The following SPSB4 variants were observed in gnomAD, a reference collection of about 807,000 sequenced individuals.
The protein encoded by SPSB4 is splA/ryanodine receptor domain and SOCS box containing 4.
A neutral mutation model predicts 20.9 loss-of-function variants in SPSB4; 21 were observed. The ratio of observed to expected loss-of-function variants is 1.01; its 90% CI spans 0.71 to 1.45. SPSB4 has a LOEUF of 1.45. Among genes scored for constraint, SPSB4 ranks in the 40% most tolerant of loss-of-function variants. The pLI is 0.00. For synonymous variants in SPSB4, 207 were observed against 183.8 expected (o/e 1.13, Z -1.02); for missense variants, 399 against 399.2 (o/e 1.00, Z 0.00).
chr3:141,069,457 A>T (rs1160961446), intron 2 of SPSB4, among the ~76,000 whole-genome samples: 1 of 152,144 alleles, frequency 6.6e-6, no homozygotes, highest in African/African-American at 2.4e-5. Context: ...AAGGATTCTG[A>T]GTTAATGTCG....
intron 1 of SPSB4, among the ~76,000 whole-genome samples, chr3:141,059,795 A>C (rs1404731128): frequency 2.6e-5 from 4 of 151,836 alleles, no homozygotes; most frequent in Non-Finnish European, 4.4e-5. Context: ...TTAAAAGAGC[A>C]CTCACCACTT....
chr3:141,104,256 A>G (rs566381953), intron 2 of SPSB4, among the ~76,000 whole-genome samples: 6 of 152,256 alleles, frequency 3.9e-5, no homozygotes, highest in African/African-American at 1.2e-4. Flanking sequence ...AGGGCAGGGG[A>G]AAAGCACTCC....
intron 1 of SPSB4, among the ~76,000 whole-genome samples, chr3:141,060,813 G>A (rs7651635): frequency 0.014 from 2,123 of 152,250 alleles, 48 homozygotes; most frequent in African/African-American, 0.049. Context: ...CCTTTAATAA[G>A]CTGATAGACA....
intron 2 of SPSB4, among the ~76,000 whole-genome samples, chr3:141,067,592 C>T (rs1400859387): frequency 6.6e-6 from 1 of 152,238 alleles, no homozygotes; most frequent in Non-Finnish European, 1.5e-5. Flanking sequence ...GGCTTCCTCT[C>T]ATTTAATATA....
At chr3:141,095,254 A>G (rs72981992) in intron 2 of SPSB4, among the ~76,000 whole-genome samples, 31,997 of 151,940 alleles carry the variant, frequency 0.21, 4,789 homozygotes, top group African/African-American at 0.4. Context: ...GACTGCGGAG[A>G]GCATGTTCAG....
At chr3:141,119,275 G>C (rs1367494193) in intron 2 of SPSB4, among the ~76,000 whole-genome samples, 1 of 152,186 alleles carries the variant, frequency 6.6e-6, no homozygotes, top group East Asian at 1.9e-4. Context: ...GTTCACTCAT[G>C]ATTTGGCTCT....
At chr3:141,118,471 CT>C (rs1297841140) in intron 2 of SPSB4, among the ~76,000 whole-genome samples, 2 of 152,188 alleles carry the variant, frequency 1.3e-5, no homozygotes, top group African/African-American at 4.8e-5. Flanking sequence ...GGTTCTTTTG[CT>C]GTGCAGAAGC....
chr3:141,066,507 A>T lies in SPSB4; in HGVS notation c.403A>T (p.Ser135Cys), dbSNP rs201830688. 4 of 1,502,826 alleles carry T rather than the reference A, an allele frequency of 2.7e-6. No individual in the cohort carries two copies. Among genetic ancestry groups the T allele is most frequent in the Non-Finnish European group, 3.6e-6 (4 of 1,124,830 alleles). 93.1% of individuals were successfully genotyped at this position (1,502,826 alleles called of 1,614,324 possible). The change falls in exon 2 of 3, where the codon AGT becomes TGT. Residue 135 changes from serine (S) to cysteine (C), a missense_variant. Transcript: ENST00000310546. ...CGTGGGCTACACGGCGCTGGTAGGC[A>T]GTGACGCCGAGTCGTGGGGCTGGGA... ...HSVGYTALVG[S>C]DAESWGWDLG...
intron 2 of SPSB4, among the ~76,000 whole-genome samples, chr3:141,126,470 CCT>C (rs1437960334): frequency 2.0e-5 from 3 of 152,170 alleles, no homozygotes; most frequent in Admixed American, 2.0e-4. Flanking sequence ...CGAGTCCAGT[CCT>C]CTGTTTTTCT....
Position 141,066,080 on chromosome 3 carries a change from A to G in SPSB4, c.-25A>G. 6.7e-7 allele frequency: 1 copy of G among 1,490,574 alleles called. No homozygotes were observed. The highest frequency in any genetic ancestry group is 8.9e-7 in the Non-Finnish European group (1 of 1,128,068). The allele number at this position is 1,490,574 out of a possible 1,614,324, so 92.3% of individuals were successfully genotyped here. On this transcript the variant is annotated 5_prime_UTR_variant, in exon 2 of 3. Coordinates refer to ENST00000310546, the MANE Select transcript of SPSB4 (RefSeq NM_080862.3). ...CTCCCACGAGGTAGCGGTGGCCTGCAGCGGCCTCCTCCCCGCAGTGAAGCA... is the reference window on the plus strand; with the variant it reads ...CTCCCACGAGGTAGCGGTGGCCTGCGGCGGCCTCCTCCCCGCAGTGAAGCA...
chr3:141,129,602 T>A (rs566976817), intron 2 of SPSB4, among the ~76,000 whole-genome samples: 1 of 152,204 alleles, frequency 6.6e-6, no homozygotes, highest in East Asian at 1.9e-4. Flanking sequence ...CATGCACACA[T>A]GAGCGAATCT....
At chr3:141,065,502 C>T (rs1472748436) in intron 1 of SPSB4, among the ~76,000 whole-genome samples, 1 of 152,230 alleles carries the variant, frequency 6.6e-6, no homozygotes, top group Admixed American at 6.5e-5. Flanking sequence ...CACCTGGGTT[C>T]TCATCCAGGC....
At chr3:141,099,408 C>T (rs1938586144) in intron 2 of SPSB4, among the ~76,000 whole-genome samples, 1 of 152,058 alleles carries the variant, frequency 6.6e-6, no homozygotes, top group African/African-American at 2.4e-5. Context: ...TTTGTTATAC[C>T]ATAATCCAAT....
At chr3:141,135,864 G>C (rs1345406930) in intron 2 of SPSB4, among the ~76,000 whole-genome samples, 1 of 152,120 alleles carries the variant, frequency 6.6e-6, no homozygotes, top group Non-Finnish European at 1.5e-5. Flanking sequence ...ACCCAGTAAT[G>C]GGATGGCTGG....
intron 2 of SPSB4, among the ~76,000 whole-genome samples, chr3:141,082,422 GGGTGGGTTCATTGCTTA>G (rs373436527): frequency 0.041 from 6,284 of 152,230 alleles, 422 homozygotes; most frequent in African/African-American, 0.14. Context: ...CTCTAGCCCT[GGGTGGGTTCATTGCTTA>G]GGTCTGGCTT....
intron 2 of SPSB4, among the ~76,000 whole-genome samples, chr3:141,143,111 T>C (rs1414694091): frequency 6.6e-6 from 1 of 152,090 alleles, no homozygotes; most frequent in East Asian, 1.9e-4. Flanking sequence ...CCACCACGCT[T>C]GGCCCCCTCT....
At chr3:141,059,814 C>T (rs925957944) in intron 1 of SPSB4, among the ~76,000 whole-genome samples, 5 of 152,224 alleles carry the variant, frequency 3.3e-5, no homozygotes, top group African/African-American at 1.2e-4. Flanking sequence ...TTACTGGAAG[C>T]CCTGTGATGT....
intron 2 of SPSB4, among the ~76,000 whole-genome samples, chr3:141,136,817 A>G (rs1323356533): frequency 6.6e-6 from 1 of 152,122 alleles, no homozygotes; most frequent in African/African-American, 2.4e-5. Flanking sequence ...TGACTTGGCG[A>G]TGTGGGCTCT....
chr3:141,107,433 CAG>C (rs1251742466), intron 2 of SPSB4, among the ~76,000 whole-genome samples: 1 of 152,120 alleles, frequency 6.6e-6, no homozygotes, highest in Non-Finnish European at 1.5e-5. Context: ...ACAGAGAAAA[CAG>C]AGTTGGGCCT....
Sources: gnomAD v4.1 joint callset for allele counts (sites outside exome capture counted in the v4.1 genomes callset) on GRCh38, gnomAD v4.1.1 for gene constraint, MANE v1.5 for transcripts, NCBI Gene and HGNC (gene_info 2026-07-23, HGNC 2026-07-21) for gene names.